Variants in PCDH11X observed in about 807,000 individuals in gnomAD.
The protein encoded by PCDH11X is protocadherin 11 X-linked, also known as protocadherin-11 X-linked.
PCDH11X carries 18 observed loss-of-function variants against 53.3 expected under a neutral mutation model. The ratio of observed to expected loss-of-function variants is 0.34; its 90% CI spans 0.23 to 0.50. PCDH11X has a LOEUF of 0.50. Ranked by LOEUF, PCDH11X falls within the 20% of genes least tolerant of loss-of-function variation. The probability of loss-of-function intolerance (pLI) is 0.98; values close to 1 mark genes in which losing one functional copy is unlikely to be tolerated. For missense variants in PCDH11X, 570 were observed against 1,032.4 expected (o/e 0.55, Z 6.14); for synonymous variants, 279 against 393.3 (o/e 0.71, Z 3.44).
intron 8 of PCDH11X, among the ~76,000 whole-genome samples, chrX:92,382,852 T>C (rs1261088253): frequency 9.6e-6 from 1 of 104,503 alleles, no homozygotes; most frequent in African/African-American, 3.5e-5. Flanking sequence ...TCTGCAGGGC[T>C]ACAGACAGAA....
intron 7 of PCDH11X, among the ~76,000 whole-genome samples, chrX:92,236,583 A>G (rs776008386): frequency 4.1e-4 from 46 of 111,319 alleles, no homozygotes; most frequent in South Asian, 7.6e-4. Flanking sequence ...GAAGAAACAC[A>G]TGTTTTTACA....
chrX:92,617,062 C>T (rs939477619), intron 10 of PCDH11X, among the ~76,000 whole-genome samples: 1 of 111,316 alleles, frequency 9.0e-6, no homozygotes. Context: ...TTGTCTAGAA[C>T]TTACAATATT....
chrX:91,927,653 T>C (rs1265691520), intron 6 of PCDH11X, among the ~76,000 whole-genome samples: 3 of 111,776 alleles, frequency 2.7e-5, no homozygotes, highest in Non-Finnish European at 5.7e-5. Flanking sequence ...CAATGAGGAA[T>C]CTTAGGAAAC....
At chrX:92,040,293 C>G in intron 6 of PCDH11X, among the ~76,000 whole-genome samples, 1 of 101,623 alleles carries the variant, frequency 9.8e-6, no homozygotes, top group Non-Finnish European at 2.0e-5. Flanking sequence ...CAAATTTACC[C>G]AGGATCTCAG....
intron 10 of PCDH11X, among the ~76,000 whole-genome samples, chrX:92,557,042 T>G (rs753203003): frequency 9.8e-5 from 11 of 111,817 alleles, no homozygotes; most frequent in Non-Finnish European, 1.5e-4. Flanking sequence ...TGGCTGAGAT[T>G]GAAGCAGCTG....
intron 5 of PCDH11X, among the ~76,000 whole-genome samples, chrX:91,873,647 C>A (rs1414822321): frequency 9.0e-6 from 1 of 111,125 alleles, no homozygotes; most frequent in Non-Finnish European, 1.9e-5. Context: ...CAGACAAACA[C>A]ATAAAAGTAA....
At chrX:92,207,473 T>A (rs1387356391) in intron 7 of PCDH11X, among the ~76,000 whole-genome samples, 1 of 111,262 alleles carries the variant, frequency 9.0e-6, no homozygotes, top group Admixed American at 9.6e-5. Flanking sequence ...AAAACTGGGG[T>A]CTACTTATTG....
chrX:92,440,390 A>G (rs1294254094), intron 9 of PCDH11X, among the ~76,000 whole-genome samples: 9 of 109,112 alleles, frequency 8.2e-5, no homozygotes, highest in Non-Finnish European at 1.3e-4. Context: ...GCTCTCACTT[A>G]TAAGTAAGAA....
intron 7 of PCDH11X, among the ~76,000 whole-genome samples, chrX:92,259,134 T>C (rs2067660673): frequency 9.0e-6 from 1 of 110,909 alleles, no homozygotes; most frequent in Non-Finnish European, 1.9e-5. Flanking sequence ...TTCCCTCATC[T>C]TCCTTTCTTC....
intron 6 of PCDH11X, among the ~76,000 whole-genome samples, chrX:92,011,580 G>C (rs985253581): frequency 3.6e-5 from 4 of 111,692 alleles, no homozygotes; most frequent in Non-Finnish European, 7.5e-5. Context: ...TATAATACAA[G>C]AAGTATAGAA....
chrX:92,448,810 C>T (rs143283804), intron 9 of PCDH11X, among the ~76,000 whole-genome samples: 2,715 of 110,885 alleles, frequency 0.024, 65 homozygotes, highest in African/African-American at 0.068. Flanking sequence ...TATGTGGTTT[C>T]GATAGTTTTC....
chrX:92,365,708 T>C (rs1434115088), intron 8 of PCDH11X, among the ~76,000 whole-genome samples: 1 of 111,896 alleles, frequency 8.9e-6, no homozygotes, highest in East Asian at 2.8e-4. Flanking sequence ...TGTTGAATTT[T>C]ATCAAAGACC....
At chrX:92,602,886 C>T (rs7060779) in intron 10 of PCDH11X, among the ~76,000 whole-genome samples, 29 of 82,074 alleles carry the variant, frequency 3.5e-4, no homozygotes, top group African/African-American at 1.9e-3. Context: ...ACACTGTGAG[C>T]TCTACATGAA....
chrX:92,313,521 A>T lies in PCDH11X; in HGVS notation c.3144+50378A>T, dbSNP rs777683501. On this transcript the variant is annotated intron_variant, in intron 8 of 10. Transcript: ENST00000682573. ...TTCTTGAACAAATTATAACTGTAAA[A>T]TTTTCATGTAAATTGTACTGACACA... 2.7e-5 allele frequency among the ~76,000 whole-genome samples: 3 copies of T among 110,410 alleles called. No homozygotes were observed. In the East Asian group the frequency reaches 8.6e-4, roughly 32 times the overall value.
At chrX:92,187,225 T>C (rs2066114152) in intron 6 of PCDH11X, among the ~76,000 whole-genome samples, 1 of 111,466 alleles carries the variant, frequency 9.0e-6, no homozygotes, top group South Asian at 3.8e-4. Context: ...GAATCTGTTA[T>C]CTTGCCTTTT....
At chrX:92,035,101 T>C (rs76450434) in intron 6 of PCDH11X, among the ~76,000 whole-genome samples, 4,787 of 111,550 alleles carry the variant, frequency 0.043, 259 homozygotes, top group African/African-American at 0.15. Flanking sequence ...TATCTTGTTA[T>C]ACTGTCTTGT....
chrX:92,162,427 G>A (rs1489522482), intron 6 of PCDH11X, among the ~76,000 whole-genome samples: 2 of 110,694 alleles, frequency 1.8e-5, no homozygotes, highest in African/African-American at 6.6e-5. Context: ...CCTGACCTCA[G>A]ATGATCTGCC....
intron 6 of PCDH11X, among the ~76,000 whole-genome samples, chrX:92,121,718 CTTTA>C (rs200271556): frequency 4.6e-5 from 5 of 107,616 alleles, no homozygotes; most frequent in African/African-American, 1.4e-4. Flanking sequence ...ATTGATTTTA[CTTTA>C]TTTATTTATT....
rs191633819 is a variant in PCDH11X, at chrX:92,010,585, A to G, written c.3033+131312A>G. Among the ~76,000 whole-genome samples the G allele has an allele frequency of 4.6e-4, 51 of 111,073 alleles. No individual in the cohort carries two copies. The Admixed American group carries it at 4.9e-3, about 11-fold the overall frequency. On this transcript the variant is annotated intron_variant, in intron 6 of 10. Transcript: ENST00000682573. ...TAATTCATAATCCACACAGTTTTCC[A>G]TGTGTACAGAACACTTTGATCTTAT...
Sources: gnomAD v4.1 joint callset for allele counts (sites outside exome capture counted in the v4.1 genomes callset) on GRCh38, gnomAD v4.1.1 for gene constraint, MANE v1.5 for transcripts, NCBI Gene and HGNC (gene_info 2026-07-23, HGNC 2026-07-21) for gene names.